Variants in TMEM132B observed in about 807,000 individuals in gnomAD.
The protein encoded by TMEM132B is transmembrane protein 132B.
Under a neutral mutation model 90.8 loss-of-function variants are expected in TMEM132B, and 18 were observed. The observed-to-expected ratio is 0.20, with a 90% CI of 0.14 to 0.29. TMEM132B has a LOEUF of 0.29. TMEM132B is among the 10% of genes least tolerant of loss of function. The pLI is 1.00. For synonymous variants in TMEM132B, 504 were observed against 523.3 expected (o/e 0.96, Z 0.50); for missense variants, 1,096 against 1,326.8 (o/e 0.83, Z 2.70).
At chr12:125,243,927 C>T (rs1341672660) in intron 1 of TMEM132B, among the ~76,000 whole-genome samples, 1 of 152,120 alleles carries the variant, frequency 6.6e-6, no homozygotes, top group Non-Finnish European at 1.5e-5. Context: ...CGCCCCCTCT[C>T]CCCCCAGCCC....
At chr12:125,422,787 G>A (rs1880205343) in intron 3 of TMEM132B, among the ~76,000 whole-genome samples, 1 of 152,192 alleles carries the variant, frequency 6.6e-6, no homozygotes, top group Non-Finnish European at 1.5e-5. Context: ...CAGAAGCTGG[G>A]GAGGTGAGAC....
At chr12:125,444,301 C>G (rs1880948038) in intron 3 of TMEM132B, among the ~76,000 whole-genome samples, 1 of 152,146 alleles carries the variant, frequency 6.6e-6, no homozygotes, top group Non-Finnish European at 1.5e-5. Context: ...CCCCCTACTT[C>G]CATAGTGTTC....
intron 5 of TMEM132B, among the ~76,000 whole-genome samples, chr12:125,611,689 A>G (rs1050572740): frequency 8.6e-5 from 13 of 151,968 alleles, no homozygotes; most frequent in African/African-American, 2.9e-4. Flanking sequence ...TAGTGTATTA[A>G]TTTCAAAATA....
chr12:125,302,141 A>C (rs989739481), intron 1 of TMEM132B, among the ~76,000 whole-genome samples: 1 of 152,150 alleles, frequency 6.6e-6, no homozygotes, highest in African/African-American at 2.4e-5. Flanking sequence ...CGGAGGTTGC[A>C]GTGAGCTGAG....
In TMEM132B at chr12:125,644,137, C is replaced by T. The variant is rs778033275; in HGVS notation, c.1499C>T (p.Thr500Met). ...AAGGAAATGAAGAGCAAAGTGGACACGATTGTGAACTTCACCCACCAGCAC... is the reference window on the plus strand; with the variant it reads ...AAGGAAATGAAGAGCAAAGTGGACATGATTGTGAACTTCACCCACCAGCAC... ...NGKEMKSKVD[T>M]IVNFTHQHFT... Residue 500 changes from threonine (T) to methionine (M), a missense_variant, in exon 6 of 9, where the codon ACG becomes ATG. Coordinates refer to ENST00000682704, the MANE Select transcript of TMEM132B (RefSeq NM_001366854.1). 1.7e-5 allele frequency: 27 copies of T among 1,614,090 alleles called. No individual in the cohort carries two copies. The highest frequency in any genetic ancestry group is 1.4e-4 in the South Asian group (13 of 91,088).
At chr12:125,448,964 C>CTTTTTT (rs368984381) in intron 3 of TMEM132B, among the ~76,000 whole-genome samples, 6 of 124,732 alleles carry the variant, frequency 4.8e-5, no homozygotes, top group Admixed American at 8.2e-5. Flanking sequence ...ATTCATATAT[C>CTTTTTT]TTTTTTTTTT....
intron 4 of TMEM132B, among the ~76,000 whole-genome samples, chr12:125,578,272 T>C (rs1884979607): frequency 6.6e-6 from 1 of 152,136 alleles, no homozygotes; most frequent in Admixed American, 6.6e-5. Flanking sequence ...CCTCATGTAT[T>C]TTGGGGATTT....
chr12:125,448,913 A>G (rs1009770698), intron 3 of TMEM132B, among the ~76,000 whole-genome samples: 10 of 151,510 alleles, frequency 6.6e-5, no homozygotes, highest in Non-Finnish European at 1.3e-4. Flanking sequence ...CATTTCCATA[A>G]TAACTAAAAT....
rs1881404247 is a variant in TMEM132B, at chr12:125,460,355, G to C, written c.1106+44678G>C. Among the ~76,000 whole-genome samples the C allele has an allele frequency of 6.6e-6, 1 of 152,118 alleles. No homozygotes were observed. The highest frequency in any genetic ancestry group is 2.4e-5 in the African/African-American group (1 of 41,424). On this transcript the variant is annotated intron_variant, in intron 3 of 8. Transcript: ENST00000682704. This position sits in a 1 kb window ranked among gnomAD's most constrained non-coding sequence, Gnocchi z 4.4. ...AAAAATACAAGAATTAGCTGGGCATGGTGGTGGGCGCCTGTAATCTCAGCT... is the reference window on the plus strand; with the variant it reads ...AAAAATACAAGAATTAGCTGGGCATCGTGGTGGGCGCCTGTAATCTCAGCT...
chr12:125,423,644 T>C (rs1274298238), intron 3 of TMEM132B, among the ~76,000 whole-genome samples: 1 of 152,220 alleles, frequency 6.6e-6, no homozygotes, highest in Non-Finnish European at 1.5e-5. Flanking sequence ...TCAAAAGTAA[T>C]AGATGATTCA....
At chr12:125,620,144 TCTTA>T (rs769318616) in intron 5 of TMEM132B, among the ~76,000 whole-genome samples, 4 of 152,218 alleles carry the variant, frequency 2.6e-5, no homozygotes, top group African/African-American at 4.8e-5. Flanking sequence ...GAAATACATC[TCTTA>T]CTTCAGCATT....
At chr12:125,273,276 A>G (rs1874896970) in intron 1 of TMEM132B, among the ~76,000 whole-genome samples, 1 of 152,230 alleles carries the variant, frequency 6.6e-6, no homozygotes, top group Non-Finnish European at 1.5e-5. Context: ...ATGAATACCC[A>G]TGTACCTACT....
At chr12:125,404,359 A>C (rs1879406274) in intron 2 of TMEM132B, among the ~76,000 whole-genome samples, 1 of 152,088 alleles carries the variant, frequency 6.6e-6, no homozygotes, top group Admixed American at 6.6e-5. Context: ...ATGTTAGAGG[A>C]ATTTTCTGCT....
intron 3 of TMEM132B, among the ~76,000 whole-genome samples, chr12:125,432,123 G>A (rs897462042): frequency 6.6e-6 from 1 of 151,774 alleles, no homozygotes; most frequent in Non-Finnish European, 1.5e-5. Context: ...TTTTGTATGC[G>A]CTGTTTGGGG....
intron 3 of TMEM132B, among the ~76,000 whole-genome samples, chr12:125,436,212 G>A (rs1880695262): frequency 6.6e-6 from 1 of 152,154 alleles, no homozygotes; most frequent in African/African-American, 2.4e-5. Flanking sequence ...ATTGTATGAA[G>A]CTCATTGTTA....
At chr12:125,187,363 C>A (rs1401976676) in intron 1 of TMEM132B, among the ~76,000 whole-genome samples, 1 of 152,208 alleles carries the variant, frequency 6.6e-6, no homozygotes, top group Non-Finnish European at 1.5e-5. Context: ...CGCAGCCCCT[C>A]CCCACGCCCC....
chr12:125,337,813 G>A (rs1178845581), intron 1 of TMEM132B, among the ~76,000 whole-genome samples: 3 of 152,184 alleles, frequency 2.0e-5, no homozygotes, highest in South Asian at 2.1e-4. Context: ...TGCAGATGGC[G>A]AAATTAAAAT....
intron 2 of TMEM132B, among the ~76,000 whole-genome samples, chr12:125,398,802 C>T (rs368529001): frequency 2.0e-5 from 3 of 152,172 alleles, no homozygotes; most frequent in Non-Finnish European, 4.4e-5. Context: ...ATTATCTCAT[C>T]GTTTCTGTGG....
intron 1 of TMEM132B, among the ~76,000 whole-genome samples, chr12:125,262,333 AT>A (rs900434924): frequency 6.6e-6 from 1 of 152,034 alleles, no homozygotes; most frequent in African/African-American, 2.4e-5. Flanking sequence ...CAAAGACTGA[AT>A]CTGACCAACA....
Sources: gnomAD v4.1 joint callset for allele counts (sites outside exome capture counted in the v4.1 genomes callset) on GRCh38, gnomAD v4.1.1 for gene constraint, Gnocchi (gnomAD v3.1) non-coding constraint, MANE v1.5 for transcripts, NCBI Gene and HGNC (gene_info 2026-07-23, HGNC 2026-07-21) for gene names.